C1orf174: variants seen among roughly 807,000 people sequenced by gnomAD.
C1orf174 encodes the protein UPF0688 protein C1orf174.
Under a neutral mutation model 18.4 loss-of-function variants are expected in C1orf174, and 13 were observed. The observed-to-expected ratio is 0.71, with a 90% CI of 0.46 to 1.12. The LOEUF (loss-of-function observed/expected upper bound fraction) is 1.12. Among genes scored for constraint, C1orf174 ranks in the 50% most tolerant of loss-of-function variants. C1orf174 has a pLI of 0.00. For synonymous variants in C1orf174, 100 were observed against 118.3 expected (o/e 0.85, Z 1.01); for missense variants, 309 against 308.0 (o/e 1.00, Z -0.02).
Position 3,892,971 on chromosome 1 carries a change from GCTGAAGACCGCA to G in C1orf174, c.29_40del (p.Val10_Ser13del), listed in dbSNP as rs761720680. The G allele has an allele frequency of 4.5e-5, 73 of 1,613,932 alleles. No homozygotes were observed. The highest frequency in any genetic ancestry group is 5.3e-5 in the Non-Finnish European group (62 of 1,180,002). On this transcript the variant is annotated inframe_deletion, in exon 2 of 4. Coordinates refer to ENST00000361605, the MANE Select transcript of C1orf174 (RefSeq NM_207356.3). ...CGAACAACTTCGTGCTTTCAAGCGC[GCTGAAGACCGCA>G]CTGCACCTGTGAGCTAGAGAGATTG...
intron 1 of C1orf174, among the ~76,000 whole-genome samples, chr1:3,893,379 T>C (rs188085124): frequency 2.5e-4 from 38 of 152,308 alleles, no homozygotes; most frequent in South Asian, 2.3e-3. Context: ...AAAGGTAACA[T>C]GAGGAAACCA....
intron 1 of C1orf174, chr1:3,896,226 C>A (rs1307774843): frequency 6.5e-6 from 1 of 152,760 alleles, no homozygotes; most frequent in Non-Finnish European, 1.5e-5. Context: ...AAGAGGGGCC[C>A]TCCTTTCTGC....
At chr1:3,900,078 G>A (rs1265005364) in intron 1 of C1orf174, 94 bp downstream of exon 1, 11 of 1,451,944 alleles carry the variant, frequency 7.6e-6, no homozygotes, top group East Asian at 2.8e-5. Flanking sequence ...CTAGGCCACA[G>A]GCACCCCGTG....
chr1:3,900,211 C>A lies in C1orf174; in HGVS notation c.-25G>T. The A allele has an allele frequency of 6.4e-7, 1 of 1,567,726 alleles. No homozygotes were observed. The highest frequency in any genetic ancestry group is 1.1e-5 in the South Asian group (1 of 87,724). ...TGAGTGTGAGCACCGCAGCCAAGCA[C>A]CGCGCGCCCCGGCCAACGCGTCCCG... On this transcript the variant is annotated 5_prime_UTR_variant, in exon 1 of 4. Transcript: ENST00000361605.
chr1:3,900,155 C>G lies in C1orf174; in HGVS notation c.15+17G>C. 5 of 1,578,392 alleles carry G rather than the reference C, an allele frequency of 3.2e-6. No homozygotes were observed. Among genetic ancestry groups the G allele is most frequent in the Middle Eastern group, 1.7e-4 (1 of 5,914 alleles). On this transcript the variant is annotated intron_variant, in intron 1 of 3. Coordinates refer to ENST00000361605, the MANE Select transcript of C1orf174 (RefSeq NM_207356.3). ...CCGCCCTGCCCGGCGCAGCTGCTGC[C>G]GGGACCCAGCCCTCACCTTCCGGCT... is the stretch of plus-strand genomic sequence containing the variant.
intron 1 of C1orf174, among the ~76,000 whole-genome samples, chr1:3,898,786 C>G (rs113871381): frequency 4.6e-5 from 7 of 151,876 alleles, no homozygotes; most frequent in African/African-American, 1.7e-4. Flanking sequence ...AATAACAAAA[C>G]AAAGTGGGTG....
In C1orf174 at chr1:3,889,984, G is replaced by GTCA. The variant is rs761667459; in HGVS notation, c.705_707dup (p.Asp240dup). On this transcript the variant is annotated inframe_insertion, in exon 4 of 4. Transcript: ENST00000361605. ...CCTACATTTCTGCATCATCGTCGTCGTCATCATCATCATCTTTGGCTCTGA... is the reference window on the plus strand; with the variant it reads ...CCTACATTTCTGCATCATCGTCGTCGTCATCATCATCATCATCTTTGGCTCTGA... 12 of 1,613,718 alleles carry GTCA rather than the reference G, an allele frequency of 7.4e-6. No individual in the cohort carries two copies. The highest frequency in any genetic ancestry group is 3.3e-5 in the South Asian group (3 of 91,086).
In C1orf174 at chr1:3,890,570, T is replaced by A. The variant is rs377592537; in HGVS notation, c.617A>T (p.Gln206Leu). The A allele has an allele frequency of 3.8e-5, 62 of 1,613,980 alleles. No individual in the cohort carries two copies. The African/African-American group carries it at 7.2e-4, about 19-fold the overall frequency. Reference protein sequence around the residue: ...SRFFGNVELMQDLPPASSSCP... With the variant: ...SRFFGNVELMLDLPPASSSCP... ...GGAGGAGGAAGGCGCCGCTCTTACC[T>A]GCATGAGCTCAACGTTTCCAAAGAA... The change falls in exon 3 of 4, where the codon CAG becomes CTG. Residue 206 changes from glutamine to leucine, a missense_variant and splice_region_variant. Gln to Leu is a moderately radical substitution (Grantham distance 113). Coordinates refer to ENST00000361605, the MANE Select transcript of C1orf174 (RefSeq NM_207356.3).
Position 3,890,918 on chromosome 1 carries a change from G to T in C1orf174, c.269C>A (p.Thr90Asn), listed in dbSNP as rs200106912. 262 of 1,614,046 alleles carry T rather than the reference G, an allele frequency of 1.6e-4. No individual in the cohort carries two copies. Among genetic ancestry groups the T allele is most frequent in the Non-Finnish European group, 2.0e-4 (241 of 1,180,034 alleles). ...TTCAGCAAACTCATTTTCACAAGGG[G>T]TCTCAGGTGTCACTTTTGGCAAAGA... Reference protein sequence around the residue: ...SASLPKVTPETPCENEFAEGS... With the variant: ...SASLPKVTPENPCENEFAEGS... Residue 90 changes from threonine to asparagine, a missense_variant, in exon 3 of 4, where the codon ACC (threonine) becomes AAC (asparagine). By Grantham distance (65) the Thr-to-Asn change is moderately conservative (BLOSUM62 0). Coordinates refer to ENST00000361605, the MANE Select transcript of C1orf174 (RefSeq NM_207356.3).
At chr1:3,894,742 G>A (rs1638575523) in intron 1 of C1orf174, among the ~76,000 whole-genome samples, 1 of 152,222 alleles carries the variant, frequency 6.6e-6, no homozygotes, top group Non-Finnish European at 1.5e-5. Flanking sequence ...TGAAACAGGA[G>A]GGAGAAGAGC....
chr1:3,894,669 C>T (rs1638574670), intron 1 of C1orf174, among the ~76,000 whole-genome samples: 1 of 152,092 alleles, frequency 6.6e-6, no homozygotes. Context: ...AAGACAGCTC[C>T]AGAAACCCTG....
Position 3,890,868 on chromosome 1 carries a change from C to T in C1orf174, c.319G>A (p.Glu107Lys), listed in dbSNP as rs140673232. Residue 107 changes from glutamate to lysine, a missense_variant, in exon 3 of 4, where the codon GAG (glutamate) becomes AAG (lysine). Physicochemically the swap from Glu to Lys is moderately conservative, Grantham distance 56 (BLOSUM62 1). Coordinates refer to ENST00000361605, the MANE Select transcript of C1orf174 (RefSeq NM_207356.3). The part of the protein sequence containing the change: ...AEGSALLPGS[E>K]AGVSVQQGAA... The stretch of plus-strand genomic sequence containing the variant: ...CCCTGCTGCACAGAAACGCCAGCCT[C>T]GCTGCCTGGAAGCAAGGCACTGCCT... 68 of 1,613,702 alleles carry T rather than the reference C, an allele frequency of 4.2e-5. No individual in the cohort carries two copies. The African/African-American group carries it at 6.7e-4, about 16-fold the overall frequency.
In C1orf174 at chr1:3,891,491, A is replaced by G. The variant is rs941717134; in HGVS notation, c.130-434T>C. 29 of 654,448 alleles carry G rather than the reference A, an allele frequency of 4.4e-5. No homozygotes were observed. The Admixed American group carries it at 5.6e-4, about 13-fold the overall frequency. 40.5% of individuals were successfully genotyped at this position (654,448 alleles called of 1,614,324 possible). On this transcript the variant is annotated intron_variant, in intron 2 of 3. Coordinates refer to ENST00000361605, the MANE Select transcript of C1orf174 (RefSeq NM_207356.3). ...GTGCCTGGCACACAGTAGGTGCTCA[A>G]GAAATATTTGTGAAATTGACTTCGA... is the stretch of plus-strand genomic sequence containing the variant.
chr1:3,893,443 G>C (rs1033153202), intron 1 of C1orf174, among the ~76,000 whole-genome samples: 12 of 152,134 alleles, frequency 7.9e-5, no homozygotes, highest in Non-Finnish European at 2.9e-5. Flanking sequence ...TGCAGCTAGC[G>C]ACTGTCTCAC....
At chr1:3,899,908 C>T (rs1638676331) in intron 1 of C1orf174, among the ~76,000 whole-genome samples, 1 of 151,858 alleles carries the variant, frequency 6.6e-6, no homozygotes, top group South Asian at 2.1e-4. Flanking sequence ...TGGGAGCCCC[C>T]TTCTCCCGGG....
intron 1 of C1orf174, 98 bp downstream of exon 1, chr1:3,900,074 C>G: frequency 6.9e-7 from 1 of 1,439,156 alleles, no homozygotes; most frequent in South Asian, 1.3e-5. Context: ...GCTCCTAGGC[C>G]ACAGGCACCC....
chr1:3,894,563 C>A (rs1459042113), intron 1 of C1orf174, among the ~76,000 whole-genome samples: 1 of 149,100 alleles, frequency 6.7e-6, no homozygotes, highest in South Asian at 2.1e-4. Context: ...GCCGAGATTG[C>A]GCCACCGCAC....
intron 1 of C1orf174, chr1:3,895,728 A>G (rs1403533662): frequency 6.6e-6 from 1 of 152,270 alleles, no homozygotes; most frequent in African/African-American, 2.4e-5. Flanking sequence ...TCACTTGCAG[A>G]TTCCTGCTCT....
chr1:3,899,010 T>C (rs964040671), intron 1 of C1orf174, among the ~76,000 whole-genome samples: 4 of 152,170 alleles, frequency 2.6e-5, no homozygotes, highest in African/African-American at 9.7e-5. Context: ...GATTAAGCTG[T>C]ATACGGTAAA....
Sources: allele counts gnomAD v4.1 joint callset (sites outside exome capture counted in the v4.1 genomes callset), GRCh38; gene constraint gnomAD v4.1.1; transcripts MANE v1.5; gene names NCBI Gene and HGNC (gene_info 2026-07-23, HGNC 2026-07-21).